The following CELF4 variants were observed in gnomAD, a reference collection of about 807,000 sequenced individuals.
CELF4 encodes CUGBP Elav-like family member 4.
In CELF4, 18 loss-of-function variants were observed where a neutral mutation model predicts 59.9. The ratio of observed to expected loss-of-function variants is 0.30; its 90% CI spans 0.21 to 0.45. CELF4 has a LOEUF of 0.45. Ranked by LOEUF, CELF4 falls within the 20% of genes least tolerant of loss-of-function variation. The probability of loss-of-function intolerance (pLI) is 1.00; values close to 1 mark genes in which losing one functional copy is unlikely to be tolerated. For synonymous variants in CELF4, 261 were observed against 267.1 expected (o/e 0.98, Z 0.22); for missense variants, 456 against 689.0 (o/e 0.66, Z 3.79).
At chr18:37,426,703 C>T (rs928203494) in intron 2 of CELF4, among the ~76,000 whole-genome samples, 14 of 152,152 alleles carry the variant, frequency 9.2e-5, no homozygotes, top group African/African-American at 1.7e-4. Flanking sequence ...CCTGCCCAGG[C>T]GGCCCTGTTC....
At chr18:37,258,878 A>G (rs960361764) in intron 11 of CELF4, among the ~76,000 whole-genome samples, 28 of 152,118 alleles carry the variant, frequency 1.8e-4, no homozygotes, top group African/African-American at 6.8e-4. Flanking sequence ...TTTGTCTGGA[A>G]GAGGAAACCC....
chr18:37,539,627 C>T (rs545963811), intron 1 of CELF4, among the ~76,000 whole-genome samples: 274 of 132,964 alleles, frequency 2.1e-3, no homozygotes, highest in African/African-American at 6.2e-3. Flanking sequence ...TCTTGTTAGT[C>T]AGTGCACACG....
At chr18:37,471,798 G>A (rs544586549) in intron 2 of CELF4, among the ~76,000 whole-genome samples, 1 of 152,336 alleles carries the variant, frequency 6.6e-6, no homozygotes, top group African/African-American at 2.4e-5. Flanking sequence ...TGCTCCTGGT[G>A]GGTGCTCAGG....
chr18:37,337,710 A>G (rs932277651), intron 2 of CELF4, among the ~76,000 whole-genome samples: 1 of 152,156 alleles, frequency 6.6e-6, no homozygotes, highest in African/African-American at 2.4e-5. Flanking sequence ...GGTTTGTCAC[A>G]TGGTGCGAGA....
intron 2 of CELF4, among the ~76,000 whole-genome samples, chr18:37,390,776 C>T (rs889940765): frequency 2.4e-4 from 12 of 49,644 alleles, no homozygotes; most frequent in Admixed American, 8.6e-4. Context: ...GCTGGGTGGA[C>T]GGGAAGGCTG....
intron 2 of CELF4, among the ~76,000 whole-genome samples, chr18:37,388,859 G>T (rs2099127302): frequency 6.6e-6 from 1 of 152,122 alleles, no homozygotes; most frequent in South Asian, 2.1e-4. Context: ...TTGTCCAGGA[G>T]ACCTTTTGCA....
intron 2 of CELF4, among the ~76,000 whole-genome samples, chr18:37,402,192 G>T (rs963828964): frequency 6.6e-6 from 1 of 152,182 alleles, no homozygotes; most frequent in East Asian, 1.9e-4. Context: ...TACATGATCC[G>T]CTGGGGATGA....
chr18:37,281,619 T>C (rs1357357760), intron 3 of CELF4, among the ~76,000 whole-genome samples: 1 of 152,100 alleles, frequency 6.6e-6, no homozygotes, highest in East Asian at 1.9e-4. Flanking sequence ...GGCAGCAGTT[T>C]GGGGGTGCAG....
intron 2 of CELF4, among the ~76,000 whole-genome samples, chr18:37,349,413 A>AT (rs966428763): frequency 6.6e-6 from 1 of 152,198 alleles, no homozygotes; most frequent in African/African-American, 2.4e-5. Flanking sequence ...CCGTGGCTGG[A>AT]TTCTTTCTGT....
At chr18:37,321,340 G>T (rs2097110018) in intron 3 of CELF4, among the ~76,000 whole-genome samples, 1 of 152,144 alleles carries the variant, frequency 6.6e-6, no homozygotes, top group Non-Finnish European at 1.5e-5. Context: ...CTATCTCCAG[G>T]ATCTCTGCCT....
chr18:37,353,065 C>CA (rs531621742), intron 2 of CELF4, among the ~76,000 whole-genome samples: 109 of 151,760 alleles, frequency 7.2e-4, no homozygotes, highest in Non-Finnish European at 1.3e-3. Context: ...ACTAAAAATA[C>CA]AAAAAATTAG....
At chr18:37,333,997 G>C (rs2097668336) in intron 2 of CELF4, among the ~76,000 whole-genome samples, 2 of 152,100 alleles carry the variant, frequency 1.3e-5, no homozygotes, top group Admixed American at 1.3e-4. Context: ...ACTGTTGCTT[G>C]ATTCCCTGAA....
At chr18:37,370,134 C>G (rs1036980449) in intron 2 of CELF4, among the ~76,000 whole-genome samples, 1 of 152,216 alleles carries the variant, frequency 6.6e-6, no homozygotes, top group Non-Finnish European at 1.5e-5. Flanking sequence ...AAGAGACCCT[C>G]AGACTGTTCC....
intron 2 of CELF4, among the ~76,000 whole-genome samples, chr18:37,433,265 A>T (rs1191152015): frequency 1.3e-5 from 2 of 152,240 alleles, no homozygotes; most frequent in South Asian, 4.2e-4. Flanking sequence ...AGATAAAGTG[A>T]CTATGGGCCT....
chr18:37,462,843 G>A (rs1400213623), intron 2 of CELF4, among the ~76,000 whole-genome samples: 1 of 151,538 alleles, frequency 6.6e-6, no homozygotes, highest in Non-Finnish European at 1.5e-5. Flanking sequence ...TATCATTAGT[G>A]TTAGTGTATT....
chr18:37,286,741 C>T (rs981762418), intron 3 of CELF4, among the ~76,000 whole-genome samples: 6 of 152,134 alleles, frequency 3.9e-5, no homozygotes, highest in African/African-American at 1.2e-4. Context: ...ACTGATCTGG[C>T]GGCTGCAGCC....
chr18:37,462,801 T>C lies in CELF4; in HGVS notation c.369+22724A>G, dbSNP rs571606737. 5.3e-5 allele frequency among the ~76,000 whole-genome samples: 8 copies of C among 152,222 alleles called. No homozygotes were observed. The South Asian group carries it at 1.5e-3, about 28-fold the overall frequency. ...TCTTAAAACATTATGAGGTTTTTTT[T>C]TTTTGCGATTTTTTTCTTTTGGCTC... is the stretch of plus-strand genomic sequence containing the variant. On this transcript the variant is annotated intron_variant, in intron 2 of 12. Transcript: ENST00000420428.
At chr18:37,472,510 T>C (rs1486103578) in intron 2 of CELF4, among the ~76,000 whole-genome samples, 1 of 152,210 alleles carries the variant, frequency 6.6e-6, no homozygotes, top group Non-Finnish European at 1.5e-5. Flanking sequence ...ATTGTGCACA[T>C]TTCCTGTGTG....
At chr18:37,340,760 C>G (rs1292742329) in intron 2 of CELF4, among the ~76,000 whole-genome samples, 1 of 152,206 alleles carries the variant, frequency 6.6e-6, no homozygotes, top group Non-Finnish European at 1.5e-5. Context: ...TTGACAATGA[C>G]AGTGAATCAC....
Sources: allele counts gnomAD v4.1 joint callset (sites outside exome capture counted in the v4.1 genomes callset), GRCh38; gene constraint gnomAD v4.1.1; transcripts MANE v1.5; gene names NCBI Gene and HGNC (gene_info 2026-07-23, HGNC 2026-07-21).